The following MAML2 variants were observed in gnomAD, a reference collection of about 807,000 sequenced individuals.
MAML2 encodes the protein mastermind-like protein 2.
In MAML2, 22 loss-of-function variants were observed where a neutral mutation model predicts 96.1. The observed-to-expected ratio is 0.23, with a 90% CI of 0.16 to 0.33. The LOEUF (loss-of-function observed/expected upper bound fraction) is 0.33, where lower values mean the gene tolerates loss of function less well. Among genes scored for constraint, MAML2 ranks in the 10% least tolerant of loss-of-function variants. MAML2 has a pLI of 1.00. For missense variants in MAML2, 1,367 were observed against 1,392.4 expected (o/e 0.98, Z 0.29); for synonymous variants, 561 against 521.3 (o/e 1.08, Z -1.04).
chr11:96,092,161 T>G lies in MAML2; in HGVS notation c.1870A>C (p.Ile624Leu), dbSNP rs1004364057. Residue 624 changes from isoleucine (I) to leucine (L), a missense_variant, in exon 2 of 5, where the codon ATT becomes CTT. Ile to Leu is a conservative substitution (Grantham distance 5). Transcript: ENST00000524717. The surrounding 1 kb of genome is among the most constrained non-coding windows in gnomAD (Gnocchi z 4.1). ...QQQQQQQQSS[I>L]SAQQQQQQQS... ...TGCTGTTGCTGTTGTTGAGCTGAAA[T>G]TGAACTCTGCTGTTGCTGTTGCTGT... 5.2e-6 allele frequency: 8 copies of G among 1,541,896 alleles called. No homozygotes were observed. The African/African-American group carries it at 1.2e-4, about 22-fold the overall frequency.
chr11:96,338,342 C>T (rs1032985069), intron 1 of MAML2, among the ~76,000 whole-genome samples: 2 of 152,232 alleles, frequency 1.3e-5, no homozygotes, highest in Non-Finnish European at 2.9e-5. Context: ...TCTGCAGCAG[C>T]GGGGCTTCCC....
At chr11:96,153,985 T>C (rs961517068) in intron 1 of MAML2, among the ~76,000 whole-genome samples, 7 of 152,050 alleles carry the variant, frequency 4.6e-5, no homozygotes, top group Non-Finnish European at 8.8e-5. Flanking sequence ...TGTCACTGGA[T>C]TGTCACAAGG....
chr11:95,989,467 T>A (rs981871058), intron 3 of MAML2, among the ~76,000 whole-genome samples: 1 of 152,222 alleles, frequency 6.6e-6, no homozygotes, highest in Non-Finnish European at 1.5e-5. Context: ...TCATGGAATG[T>A]ATATGCTACC....
intron 1 of MAML2, among the ~76,000 whole-genome samples, chr11:96,243,753 A>C (rs969753395): frequency 6.7e-6 from 1 of 149,192 alleles, no homozygotes; most frequent in Non-Finnish European, 1.5e-5. Context: ...TCCCAGGTTC[A>C]TGCCATTCTC....
chr11:96,217,113 T>C (rs904455734), intron 1 of MAML2, among the ~76,000 whole-genome samples: 2 of 152,348 alleles, frequency 1.3e-5, no homozygotes, highest in Admixed American at 1.3e-4. Flanking sequence ...CATACTTTGC[T>C]CAGTGCTCAT....
intron 2 of MAML2, among the ~76,000 whole-genome samples, chr11:96,049,146 A>G (rs960361819): frequency 2.6e-5 from 4 of 152,152 alleles, no homozygotes; most frequent in Non-Finnish European, 4.4e-5. Flanking sequence ...TGTAATTACT[A>G]TTTCCTTTAA....
chr11:96,061,810 T>C (rs1478420862), intron 2 of MAML2, among the ~76,000 whole-genome samples: 2 of 152,164 alleles, frequency 1.3e-5, no homozygotes, highest in African/African-American at 4.8e-5. Context: ...TTTTTTAATA[T>C]CTTAATTTTT....
At chr11:96,126,790 G>A (rs1860445910) in intron 1 of MAML2, among the ~76,000 whole-genome samples, 1 of 152,162 alleles carries the variant, frequency 6.6e-6, no homozygotes, top group Non-Finnish European at 1.5e-5. Flanking sequence ...TTCAACAAAT[G>A]TCATTGAGCA....
intron 2 of MAML2, among the ~76,000 whole-genome samples, chr11:96,021,738 A>G (rs1034818408): frequency 1.3e-5 from 2 of 152,228 alleles, no homozygotes; most frequent in Non-Finnish European, 2.9e-5. Context: ...CAGTGTAAGA[A>G]AGAAAATTCT....
At chr11:96,026,369 A>G (rs956432241) in intron 2 of MAML2, among the ~76,000 whole-genome samples, 6 of 152,380 alleles carry the variant, frequency 3.9e-5, no homozygotes, top group Non-Finnish European at 5.9e-5. Flanking sequence ...CATTGAGATC[A>G]TAGGGACCAC....
chr11:96,035,626 T>C (rs1858698668), intron 2 of MAML2, among the ~76,000 whole-genome samples: 1 of 152,200 alleles, frequency 6.6e-6, no homozygotes, highest in African/African-American at 2.4e-5. Context: ...GATCATGAGA[T>C]CTCAGAAGGA....
chr11:96,105,147 T>G (rs183740844), intron 1 of MAML2, among the ~76,000 whole-genome samples: 164 of 152,338 alleles, frequency 1.1e-3, no homozygotes, highest in African/African-American at 3.6e-3. Context: ...ATGGACACAT[T>G]TATTTTGGTT....
chr11:96,309,331 A>C (rs1863505848), intron 1 of MAML2, among the ~76,000 whole-genome samples: 1 of 152,214 alleles, frequency 6.6e-6, no homozygotes, highest in South Asian at 2.1e-4. Context: ...GATTCGAATA[A>C]CTGCATAATT....
intron 1 of MAML2, among the ~76,000 whole-genome samples, chr11:96,333,493 C>T (rs566317001): frequency 6.6e-6 from 1 of 152,168 alleles, no homozygotes; most frequent in Non-Finnish European, 1.5e-5. Flanking sequence ...AAACACCATG[C>T]TTTCAATTAA....
At chr11:96,059,855 A>G (rs1001390445) in intron 2 of MAML2, among the ~76,000 whole-genome samples, 2 of 152,200 alleles carry the variant, frequency 1.3e-5, no homozygotes, top group Non-Finnish European at 2.9e-5. Flanking sequence ...GTACTTAAGG[A>G]TGGAAGAAAA....
At chr11:96,051,455 T>C (rs116215616) in intron 2 of MAML2, among the ~76,000 whole-genome samples, 1,967 of 152,308 alleles carry the variant, frequency 0.013, 47 homozygotes, top group African/African-American at 0.045. Context: ...CTACTAATAA[T>C]ACTAATGTGT....
At chr11:96,006,553 TTTTTTTTTTC>T (rs1323687900) in intron 2 of MAML2, among the ~76,000 whole-genome samples, 3 of 98,910 alleles carry the variant, frequency 3.0e-5, no homozygotes, top group Non-Finnish European at 6.1e-5. Flanking sequence ...TTGGAGTATC[TTTTTTTTTTC>T]TTTTTTTTTT....
At chr11:96,264,018 T>C (rs1343707202) in intron 1 of MAML2, among the ~76,000 whole-genome samples, 1 of 152,248 alleles carries the variant, frequency 6.6e-6, no homozygotes, top group Non-Finnish European at 1.5e-5. Flanking sequence ...GTTATAGTTA[T>C]AATTCAAAAA....
chr11:95,981,176 C>G (rs1857730564), intron 4 of MAML2, among the ~76,000 whole-genome samples: 2 of 152,148 alleles, frequency 1.3e-5, no homozygotes, highest in South Asian at 4.1e-4. Context: ...CTCATCCTTC[C>G]ATGTGTCCAC....
Sources: allele counts gnomAD v4.1 joint callset (sites outside exome capture counted in the v4.1 genomes callset), GRCh38; gene constraint gnomAD v4.1.1; non-coding constraint Gnocchi (gnomAD v3.1); transcripts MANE v1.5; gene names NCBI Gene and HGNC (gene_info 2026-07-23, HGNC 2026-07-21).